Variants in RDH5 observed in about 807,000 individuals in gnomAD.
RDH5 encodes the protein retinol dehydrogenase 5.
Under a neutral mutation model 24.0 loss-of-function variants are expected in RDH5, and 25 were observed. That is an observed-to-expected ratio of 1.04 (90% CI 0.76 to 1.46). The LOEUF is 1.46. RDH5 is among the 40% of genes most tolerant of loss of function. The pLI, the probability that RDH5 is intolerant of heterozygous loss-of-function variation, is 0.00. For missense variants in RDH5, 369 were observed against 410.3 expected (o/e 0.90, Z 0.87); for synonymous variants, 170 against 175.2 (o/e 0.97, Z 0.23).
chr12:55,724,175 C>G, intron 4 of RDH5, 126 bp downstream of exon 4: 1 of 1,454,110 alleles, frequency 6.9e-7, no homozygotes, highest in Non-Finnish European at 9.4e-7. Context: ...CAGGATGTTA[C>G]AAGAGTGCCC....
chr12:55,723,816 A>G, intron 3 of RDH5, 70 bp from the exon 4 acceptor site: 2 of 1,575,866 alleles, frequency 1.3e-6, no homozygotes, highest in Non-Finnish European at 1.7e-6. Flanking sequence ...TCAGCTCCCC[A>G]ACCCATGTCC....
Position 55,721,478 on chromosome 12 carries a change from G to A in RDH5, c.294G>A (p.Met98Ile). The A allele has an allele frequency of 5.0e-6, 8 of 1,609,152 alleles. No homozygotes were observed. The highest frequency in any genetic ancestry group is 5.9e-6 in the Non-Finnish European group (7 of 1,180,008). Residue 98 changes from methionine (M) to isoleucine (I), a missense_variant, in exon 2 of 5, where the codon ATG becomes ATA. Physicochemically the swap from Met to Ile is conservative, Grantham distance 10. Coordinates refer to ENST00000257895, the MANE Select transcript of RDH5 (RefSeq NM_002905.5). This position sits in a 1 kb window ranked among gnomAD's most constrained non-coding sequence, Gnocchi z 4.7. ...AGCAGGCAGCCAAGTGGGTGGAGATGCACGTTAAGGAAGCAGGTAAGTATG... is the reference window on the plus strand; with the variant it reads ...AGCAGGCAGCCAAGTGGGTGGAGATACACGTTAAGGAAGCAGGTAAGTATG... Reference protein sequence around the residue: ...SVQQAAKWVEMHVKEAGLFGL... With the variant: ...SVQQAAKWVEIHVKEAGLFGL...
rs1028516248 is a variant in RDH5 at position 55,723,978 on chromosome 12, C to A, written c.662C>A (p.Thr221Asn). The change falls in exon 4 of 5, where the codon ACC becomes AAC. Residue 221 changes from threonine (T) to asparagine (N), a missense_variant. Transcript: ENST00000257895. ...ACCAACCTGGAGAGTCTGGAGAAAACCCTGCAGGCCTGCTGGGCACGGCTG... is the reference window on the plus strand; with the variant it reads ...ACCAACCTGGAGAGTCTGGAGAAAAACCTGCAGGCCTGCTGGGCACGGCTG... ...PVTNLESLEK[T>N]LQACWARLPP... 2.5e-6 allele frequency: 4 copies of A among 1,613,920 alleles called. No individual in the cohort carries two copies. In the African/African-American group the frequency reaches 4.0e-5, roughly 16 times the overall value.
Position 55,721,671 on chromosome 12 carries a change from C to A in RDH5, c.311-18C>A. On this transcript the variant is annotated intron_variant, in intron 2 of 4. Coordinates refer to ENST00000257895, the MANE Select transcript of RDH5 (RefSeq NM_002905.5). The surrounding 1 kb of genome is among the most constrained non-coding windows in gnomAD (Gnocchi z 4.7). Reference sequence around the variant, plus strand: ...GAGTGCCTCACCTACCCCCAGCATCCTTTTCATCTCCCCACAGGGCTTTTT... The same window carrying A: ...GAGTGCCTCACCTACCCCCAGCATCATTTTCATCTCCCCACAGGGCTTTTT... 6.2e-7 allele frequency: 1 copy of A among 1,607,374 alleles called. No homozygotes were observed.
chr12:55,721,227 C>T lies in RDH5; in HGVS notation c.43C>T (p.Leu15=), dbSNP rs748014752. 6 of 1,614,072 alleles carry T rather than the reference C, an allele frequency of 3.7e-6. No individual in the cohort carries two copies. The highest frequency in any genetic ancestry group is 3.3e-5 in the Admixed American group (2 of 60,026). ...GCTGGGTGCCTTACTCTGGGCAGTGCTGTGGTTGCTCAGGGACCGGCAGAG... is the reference window on the plus strand; with the variant it reads ...GCTGGGTGCCTTACTCTGGGCAGTGTTGTGGTTGCTCAGGGACCGGCAGAG... The part of the protein sequence containing the change: ...LLLGALLWAV[L]WLLRDRQSLP... Residue 15 remains leucine (L), a synonymous_variant, in exon 2 of 5, where the codon CTG becomes TTG. Coordinates refer to ENST00000257895, the MANE Select transcript of RDH5 (RefSeq NM_002905.5). The surrounding 1 kb of genome is among the most constrained non-coding windows in gnomAD (Gnocchi z 4.7).
intron 3 of RDH5, chr12:55,722,256 TCTC>T (rs531255504): frequency 3.9e-4 from 110 of 285,652 alleles, no homozygotes; most frequent in African/African-American, 2.2e-3. Flanking sequence ...TTCAAGCGAT[TCTC>T]CTGCCTCAGC....
Position 55,723,949 on chromosome 12 carries a change from TGTGA to T in RDH5, c.634_637del (p.Val212ProfsTer34). The T allele has an allele frequency of 6.2e-7, 1 of 1,614,142 alleles. No homozygotes were observed. Among genetic ancestry groups the T allele is most frequent in the Non-Finnish European group, 8.5e-7 (1 of 1,180,034 alleles). On this transcript the variant is annotated frameshift_variant, in exon 4 of 5. Transcript: ENST00000257895. LOFTEE classifies it high-confidence loss of function. ...TGGAGCCTGGCTTCTTCCGAACCCC[TGTGA>T]CCAACCTGGAGAGTCTGGAGAAAAC... is the stretch of plus-strand genomic sequence containing the variant.
rs775289181 is a variant in RDH5 at position 55,721,933 on chromosome 12, C to T, written c.555C>T (p.Phe185=). 1.5e-5 allele frequency: 24 copies of T among 1,613,042 alleles called. No homozygotes were observed. Among genetic ancestry groups the T allele is most frequent in the Middle Eastern group, 1.7e-4 (1 of 5,850 alleles). Residue 185 remains phenylalanine, a synonymous_variant, in exon 3 of 5, where the codon TTC becomes TTT. Transcript: ENST00000257895. This position sits in a 1 kb window ranked among gnomAD's most constrained non-coding sequence, Gnocchi z 4.7. ...TCTCCAAATTTGGCCTGGAGGCCTT[C>T]TCTGACAGCCTGAGGTGAGGGGTAC... ...YCVSKFGLEA[F]SDSLRRDVAH...
chr12:55,722,188 T>C, intron 3 of RDH5: 1 of 489,078 alleles, frequency 2.0e-6, no homozygotes, highest in East Asian at 3.7e-5. Flanking sequence ...TCTTGCTCTG[T>C]CGCCAGGCTG....
Position 55,724,027 on chromosome 12 carries a change from T to TG in RDH5, c.718dup (p.Ala240GlyfsTer19), listed in dbSNP as rs753378940. 3.5e-5 allele frequency: 57 copies of TG among 1,611,492 alleles called. No homozygotes were observed. The highest frequency in any genetic ancestry group is 6.7e-5 in the East Asian group (3 of 44,892). ...TGCCTCCTGCCACACAGGCCCACTATGGGGGGGCCTTCCTCACCAAGTGTG... is the reference window on the plus strand; with the variant it reads ...TGCCTCCTGCCACACAGGCCCACTATGGGGGGGGCCTTCCTCACCAAGTGTG... On this transcript the variant is annotated frameshift_variant, in exon 4 of 5. Coordinates refer to ENST00000257895, the MANE Select transcript of RDH5 (RefSeq NM_002905.5). LOFTEE classifies it high-confidence loss of function.
At chr12:55,723,814 C>T (rs764283715) in intron 3 of RDH5, 72 bp from the exon 4 acceptor site, 59 of 1,571,870 alleles carry the variant, frequency 3.8e-5, no homozygotes, top group Non-Finnish European at 5.0e-5. Context: ...TCTCAGCTCC[C>T]CAACCCATGT....
rs1877121350 is a variant in RDH5, at chr12:55,724,665, A to G, written c.*120A>G. The G allele has an allele frequency of 1.0e-6, 1 of 983,092 alleles. No individual in the cohort carries two copies. The highest frequency in any genetic ancestry group is 1.6e-6 in the Non-Finnish European group (1 of 641,856). The allele number at this position is 983,092 out of a possible 1,614,324, so 60.9% of individuals were successfully genotyped here. A position where few individuals can be genotyped will look rare whatever the true frequency, so the allele number is the denominator to read the frequency against. ...AAGCACTAACAAAAGTGTATTGTTT[A>G]AAAAATAAAAAGAAGGTGGGCAGAA... On this transcript the variant is annotated 3_prime_UTR_variant, in exon 5 of 5. Coordinates refer to ENST00000257895, the MANE Select transcript of RDH5 (RefSeq NM_002905.5).
At position 55,721,574 on chromosome 12, in the gene RDH5, T is replaced by C; in HGVS notation, c.310+80T>C. On this transcript the variant is annotated intron_variant, in intron 2 of 4. Transcript: ENST00000257895. This position sits in a 1 kb window ranked among gnomAD's most constrained non-coding sequence, Gnocchi z 4.7. ...CACCCCAGGAGTCACCTGCAAGGGC[T>C]GTGGTAAGCTAAAGGGACAATTTGA... The C allele has an allele frequency of 6.3e-7, 1 of 1,594,760 alleles. No individual in the cohort carries two copies. The highest frequency in any genetic ancestry group is 8.5e-7 in the Non-Finnish European group (1 of 1,174,932).
Position 55,721,720 on chromosome 12 carries a change from G to C in RDH5, c.342G>C (p.Val114=). ...TTGGTCTGGTGAATAATGCTGGTGT[G>C]GCTGGTATCATCGGACCCACACCAT... ...GLFGLVNNAG[V]AGIIGPTPWL... The change falls in exon 3 of 5, where the codon GTG becomes GTC. Residue 114 remains valine, a synonymous_variant. Transcript: ENST00000257895. This position sits in a 1 kb window ranked among gnomAD's most constrained non-coding sequence, Gnocchi z 4.7. The C allele has an allele frequency of 6.2e-7, 1 of 1,613,044 alleles. No homozygotes were observed. The highest frequency in any genetic ancestry group is 8.5e-7 in the Non-Finnish European group (1 of 1,180,036).
chr12:55,721,402 C>A lies in RDH5; in HGVS notation c.218C>A (p.Ser73Tyr). Reference protein sequence around the residue: ...SGAEDLQRVASSRLHTTLLDI... With the variant: ...SGAEDLQRVAYSRLHTTLLDI... The stretch of plus-strand genomic sequence containing the variant: ...GCCGAGGACCTGCAGCGGGTGGCCT[C>A]CTCCCGCCTCCACACCACCCTGTTG... Residue 73 changes from serine to tyrosine, a missense_variant, in exon 2 of 5, where the codon TCC becomes TAC. Transcript: ENST00000257895. The surrounding 1 kb of genome is among the most constrained non-coding windows in gnomAD (Gnocchi z 4.7). 6.2e-7 allele frequency: 1 copy of A among 1,613,900 alleles called. No homozygotes were observed. The highest frequency in any genetic ancestry group is 8.5e-7 in the Non-Finnish European group (1 of 1,180,032).
rs1876858248 is a variant in RDH5 at position 55,720,503 on chromosome 12, C to A, written c.-47C>A. ...CTTCGGGCGCTGTAGTACCTGCCAG[C>A]TTTCGCCACAGGAGGTAAGTGGATA... On this transcript the variant is annotated 5_prime_UTR_variant, in exon 1 of 5. Transcript: ENST00000257895. The A allele has an allele frequency of 6.6e-6, 1 of 152,502 alleles. No individual in the cohort carries two copies. The highest frequency in any genetic ancestry group is 2.4e-5 in the African/African-American group (1 of 41,446). 9.4% of individuals were successfully genotyped at this position (152,502 alleles called of 1,614,324 possible). A position where few individuals can be genotyped will look rare whatever the true frequency, so the allele number is the denominator to read the frequency against.
intron 3 of RDH5, chr12:55,723,570 G>T: frequency 3.0e-6 from 1 of 335,750 alleles, no homozygotes; most frequent in South Asian, 2.7e-5. Context: ...TTTTTAAATG[G>T]TTACATTGTA....
rs2136139268 is a variant in RDH5, at chr12:55,721,570, G to A, written c.310+76G>A. 6.3e-7 allele frequency: 1 copy of A among 1,594,700 alleles called. No homozygotes were observed. Among genetic ancestry groups the A allele is most frequent in the South Asian group, 1.1e-5 (1 of 90,716 alleles). On this transcript the variant is annotated intron_variant, in intron 2 of 4. Coordinates refer to ENST00000257895, the MANE Select transcript of RDH5 (RefSeq NM_002905.5). The surrounding 1 kb of genome is among the most constrained non-coding windows in gnomAD (Gnocchi z 4.7). ...CAGTCACCCCAGGAGTCACCTGCAA[G>A]GGCTGTGGTAAGCTAAAGGGACAAT...
chr12:55,721,369 C>G lies in RDH5; in HGVS notation c.185C>G (p.Pro62Arg). ...GFRVLASCLT[P>R]SGAEDLQRVA... Reference sequence around the variant, plus strand: ...CGAGTCCTGGCCAGCTGCCTGACCCCCTCCGGGGCCGAGGACCTGCAGCGG... The same window carrying G: ...CGAGTCCTGGCCAGCTGCCTGACCCGCTCCGGGGCCGAGGACCTGCAGCGG... Residue 62 changes from proline (P) to arginine (R), a missense_variant, in exon 2 of 5, where the codon CCC (proline) becomes CGC (arginine). Pro to Arg is a moderately radical substitution (Grantham distance 103, BLOSUM62 -2). Coordinates refer to ENST00000257895, the MANE Select transcript of RDH5 (RefSeq NM_002905.5). The surrounding 1 kb of genome is among the most constrained non-coding windows in gnomAD (Gnocchi z 4.7). The G allele has an allele frequency of 3.1e-6, 5 of 1,613,968 alleles. No homozygotes were observed. The highest frequency in any genetic ancestry group is 1.3e-5 in the African/African-American group (1 of 75,066).
Sources: gnomAD v4.1 joint callset for allele counts on GRCh38, gnomAD v4.1.1 for gene constraint, Gnocchi (gnomAD v3.1) non-coding constraint, MANE v1.5 for transcripts, NCBI Gene and HGNC (gene_info 2026-07-23, HGNC 2026-07-21) for gene names.